Variants in TVP23A observed in about 807,000 individuals in gnomAD.
TVP23A encodes the protein Golgi apparatus membrane protein TVP23 homolog A.
A neutral mutation model predicts 31.7 loss-of-function variants in TVP23A; 21 were observed. That is an observed-to-expected ratio of 0.66 (90% CI 0.47 to 0.95). The LOEUF (loss-of-function observed/expected upper bound fraction) is 0.95, where lower values mean the gene tolerates loss of function less well. Among genes scored for constraint, TVP23A ranks in the 40% least tolerant of loss-of-function variants. TVP23A has a pLI of 0.00. For synonymous variants in TVP23A, 104 were observed against 96.0 expected (o/e 1.08, Z -0.49); for missense variants, 279 against 255.6 (o/e 1.09, Z -0.62).
intron 2 of TVP23A, among the ~76,000 whole-genome samples, chr16:10,790,250 T>C (rs1245070331): frequency 6.6e-6 from 1 of 151,628 alleles, no homozygotes; most frequent in Non-Finnish European, 1.5e-5. Flanking sequence ...CATTTCAAAA[T>C]ATGACAAAGA....
chr16:10,769,111 G>C lies in TVP23A; in HGVS notation c.*1-10C>G, dbSNP rs527993353. On this transcript the variant is annotated splice_polypyrimidine_tract_variant and intron_variant, in intron 7 of 7. Transcript: ENST00000299866. ...AGAACCTCATCAGTTCCTGAAACGA[G>C]AGAATGTTCAGGACCAAGCAGTTAC... 1 of 1,613,436 alleles carries C rather than the reference G, an allele frequency of 6.2e-7. No homozygotes were observed. Among genetic ancestry groups the C allele is most frequent in the South Asian group, 1.1e-5 (1 of 91,078 alleles).
intron 2 of TVP23A, among the ~76,000 whole-genome samples, chr16:10,794,789 T>C (rs1213222738): frequency 2.0e-5 from 3 of 151,688 alleles, no homozygotes; most frequent in Non-Finnish European, 4.4e-5. Flanking sequence ...CCTGTCCTAG[T>C]TTTCAGGGTA....
intron 2 of TVP23A, among the ~76,000 whole-genome samples, chr16:10,811,196 G>T (rs1158281327): frequency 6.6e-6 from 1 of 152,164 alleles, no homozygotes; most frequent in Non-Finnish European, 1.5e-5. Flanking sequence ...ACAACCTTGT[G>T]AATGTATCAA....
intron 2 of TVP23A, among the ~76,000 whole-genome samples, chr16:10,790,279 A>ATTTTTTTTTTTTTTT (rs376916439): frequency 2.6e-5 from 3 of 114,536 alleles, no homozygotes; most frequent in Admixed American, 2.1e-4. Flanking sequence ...TTGGGGTAAA[A>ATTTTTTTTTTTTTTT]TTTTTTTTTT....
At chr16:10,789,123 C>T (rs1291150179) in intron 2 of TVP23A, among the ~76,000 whole-genome samples, 2 of 152,150 alleles carry the variant, frequency 1.3e-5, no homozygotes, top group Non-Finnish European at 2.9e-5. Flanking sequence ...CCACCGTGCC[C>T]GGACAAGAGC....
chr16:10,762,749 G>C (rs746516866), downstream of TVP23A, among the ~76,000 whole-genome samples: 1 of 151,916 alleles, frequency 6.6e-6, no homozygotes, highest in Non-Finnish European at 1.5e-5. Context: ...TGTCTGTGCC[G>C]GGACAGGAGA....
intron 2 of TVP23A, among the ~76,000 whole-genome samples, chr16:10,814,375 A>C (rs2034339148): frequency 6.6e-6 from 1 of 151,826 alleles, no homozygotes; most frequent in South Asian, 2.1e-4. Context: ...AACAAGGACC[A>C]CTCTGAGTTC....
In TVP23A at chr16:10,779,008, C is replaced by A. The variant is rs1173568914; in HGVS notation, c.90-3912G>T. On this transcript the variant is annotated intron_variant, in intron 2 of 7. Transcript: ENST00000299866. The surrounding 1 kb of genome is among the most constrained non-coding windows in gnomAD (Gnocchi z 4.9). ...AATGTCAAAGTGTGAGCCAAGTGTGCGCTGACCCATGGTAAAATGTGGAAG... is the reference window on the plus strand; with the variant it reads ...AATGTCAAAGTGTGAGCCAAGTGTGAGCTGACCCATGGTAAAATGTGGAAG... Among the ~76,000 whole-genome samples, 1 of 152,144 alleles carries A rather than the reference C, an allele frequency of 6.6e-6. No homozygotes were observed. Among genetic ancestry groups the A allele is most frequent in the African/African-American group, 2.4e-5 (1 of 41,448 alleles).
At chr16:10,800,690 T>G (rs1002363283) in intron 2 of TVP23A, among the ~76,000 whole-genome samples, 1 of 152,180 alleles carries the variant, frequency 6.6e-6, no homozygotes, top group Admixed American at 6.6e-5. Flanking sequence ...TAAAAAGCAT[T>G]TTTGGCCAGG....
At chr16:10,774,534 T>C (rs2031858979) in intron 3 of TVP23A, among the ~76,000 whole-genome samples, 1 of 151,664 alleles carries the variant, frequency 6.6e-6, no homozygotes, top group African/African-American at 2.4e-5. Context: ...GTTCTCATGG[T>C]AGTGAATAAG....
rs113868723 is a variant in TVP23A, at chr16:10,801,818, T to C, written c.89+16285A>G. ...AATGGAATATGAACTACAGATTAGA[T>C]AGTCTCTTAGTTTCCATAATCGCAC... is the stretch of plus-strand genomic sequence containing the variant. On this transcript the variant is annotated intron_variant, in intron 2 of 7. Transcript: ENST00000299866. Among the ~76,000 whole-genome samples the C allele has an allele frequency of 2.8e-3, 432 of 152,222 alleles. 4 individuals are homozygous for C. Among genetic ancestry groups the C allele is most frequent in the African/African-American group, 9.9e-3 (412 of 41,532 alleles).
At position 10,785,685 on chromosome 16, in the gene TVP23A, A is replaced by T. The variant is rs533534252; in HGVS notation, c.90-10589T>A. ...TTTGTACATTTCAGGGAGACAGGAG[A>T]CAACAATCAACTTATGTAAGATGAA... is the stretch of plus-strand genomic sequence containing the variant. On this transcript the variant is annotated intron_variant, in intron 2 of 7. Coordinates refer to ENST00000299866, the MANE Select transcript of TVP23A (RefSeq NM_001079512.4). Among the ~76,000 whole-genome samples the T allele has an allele frequency of 3.3e-5, 5 of 152,320 alleles. No individual in the cohort carries two copies. In the East Asian group the frequency reaches 9.6e-4, roughly 29 times the overall value.
At chr16:10,764,625 A>G (rs62027825), downstream of TVP23A, among the ~76,000 whole-genome samples, 4,763 of 76,964 alleles carry the variant, frequency 0.062, no homozygotes, top group Middle Eastern at 0.11. Flanking sequence ...ATGTCAGTCT[A>G]TTGGAGCATC....
intron 2 of TVP23A, among the ~76,000 whole-genome samples, chr16:10,816,138 G>C (rs2034425109): frequency 6.7e-6 from 1 of 150,026 alleles, no homozygotes; most frequent in Non-Finnish European, 1.5e-5. Context: ...GAGGCAGGAG[G>C]AACTCTTGAA....
rs771718620 is a variant in TVP23A, at chr16:10,771,656, C to T, written c.582+14G>A. The T allele has an allele frequency of 3.3e-5, 53 of 1,613,608 alleles. No homozygotes were observed. The highest frequency in any genetic ancestry group is 4.4e-5 in the Non-Finnish European group (52 of 1,179,768). On this transcript the variant is annotated intron_variant, in intron 6 of 7. Transcript: ENST00000299866. ...GGAGAGGAGTGGTCCAAGAGTCAGA[C>T]CTCAGTTACTCACCGTCTGGAACAC...
At chr16:10,793,901 C>CAAAAAAAAAA (rs61392688) in intron 2 of TVP23A, among the ~76,000 whole-genome samples, 8 of 39,160 alleles carry the variant, frequency 2.0e-4, no homozygotes, top group African/African-American at 6.2e-4. Flanking sequence ...CCTGTCTCAC[C>CAAAAAAAAAA]AAAAAAAAAA....
chr16:10,761,044 T>G, downstream of TVP23A: 1 of 257,688 alleles, frequency 3.9e-6, no homozygotes, highest in Non-Finnish European at 7.7e-6. Context: ...AGAGAGAGTG[T>G]GTAGGAGGAA....
intron 2 of TVP23A, among the ~76,000 whole-genome samples, chr16:10,782,618 T>A (rs886219904): frequency 6.6e-6 from 1 of 152,154 alleles, no homozygotes; most frequent in African/African-American, 2.4e-5. Context: ...TCCTCCCATG[T>A]CAGCCTTCCA....
At chr16:10,761,308 G>C in exon 9 of TVP23A, 1 of 1,528,650 alleles carries the variant, frequency 6.5e-7, no homozygotes, top group South Asian at 1.1e-5. Context: ...CGGTTGCACA[G>C]ACATTCCCTT....
Sources: gnomAD v4.1 joint callset for allele counts (sites outside exome capture counted in the v4.1 genomes callset) on GRCh38, gnomAD v4.1.1 for gene constraint, Gnocchi (gnomAD v3.1) non-coding constraint, MANE v1.5 for transcripts, NCBI Gene and HGNC (gene_info 2026-07-23, HGNC 2026-07-21) for gene names.